The following OLAH variants were observed in gnomAD, a reference collection of about 807,000 sequenced individuals.
The protein encoded by OLAH is S-acyl fatty acid synthase thioesterase, medium chain.
A neutral mutation model predicts 27.8 loss-of-function variants in OLAH; 33 were observed. That is an observed-to-expected ratio of 1.19 (90% CI 0.90 to 1.59). OLAH has a LOEUF of 1.59. Among genes scored for constraint, OLAH ranks in the 40% most tolerant of loss-of-function variants. The pLI, the probability that OLAH is intolerant of heterozygous loss-of-function variation, is 0.00. For synonymous variants in OLAH, 120 were observed against 102.9 expected, an observed-to-expected ratio of 1.17 and a Z score of -1.01; for missense variants, 359 against 310.8, an observed-to-expected ratio of 1.16 and a Z score of -1.17.
upstream of OLAH, among the ~76,000 whole-genome samples, chr10:15,038,944 T>C (rs1398928288): frequency 6.6e-6 from 1 of 152,172 alleles, no homozygotes; most frequent in African/African-American, 2.4e-5. Flanking sequence ...CACCTCAGGC[T>C]GGGTGCAGTG....
At position 15,065,771 on chromosome 10, in the gene OLAH, G is replaced by A. The variant is rs750645682; in HGVS notation, c.572+18G>A. 3.8e-6 allele frequency: 6 copies of A among 1,577,380 alleles called. No homozygotes were observed. Among genetic ancestry groups the A allele is most frequent in the Non-Finnish European group, 4.3e-6 (5 of 1,164,242 alleles). On this transcript the variant is annotated intron_variant, in intron 6 of 7. Transcript: ENST00000378228. ...AGTTGCACGTAAGTAACAGAAACAA[G>A]GTTTTTTCTTTTTTTGGTACAATTA...
Position 15,066,874 on chromosome 10 carries a change from A to G in OLAH, c.572+1121A>G, listed in dbSNP as rs371459129. ...AGGCTGGTCTCAAACTCCTGACCTG[A>G]GGTGATCCACCCACCTCAGCCTCCC... On this transcript the variant is annotated intron_variant, in intron 6 of 7. Transcript: ENST00000378228. 3.3e-5 allele frequency among the ~76,000 whole-genome samples: 5 copies of G among 152,148 alleles called. No individual in the cohort carries two copies. In the East Asian group the frequency reaches 5.8e-4, roughly 18 times the overall value.
At chr10:15,072,203 AT>A (rs1844603108) in intron 7 of OLAH, among the ~76,000 whole-genome samples, 1 of 152,046 alleles carries the variant, frequency 6.6e-6, no homozygotes, top group Non-Finnish European at 1.5e-5. Context: ...AAGTGCTGGG[AT>A]TATAGGCATG....
intron 3 of OLAH, among the ~76,000 whole-genome samples, chr10:15,055,326 C>A (rs550192465): frequency 6.6e-6 from 1 of 152,320 alleles, no homozygotes; most frequent in Non-Finnish European, 1.5e-5. Context: ...GTTTTAAAAA[C>A]CACCTCGTTT....
intron 5 of OLAH, 125 bp downstream of exon 5, chr10:15,064,627 T>C (rs920302718): frequency 2.4e-5 from 14 of 586,980 alleles, no homozygotes; most frequent in East Asian, 9.7e-5. Flanking sequence ...GGGATACTAA[T>C]AGGTTGGTGC....
intron 2 of OLAH, 105 bp downstream of exon 2, chr10:15,047,425 G>T (rs942288626): frequency 4.4e-6 from 5 of 1,138,776 alleles, no homozygotes; most frequent in Admixed American, 2.0e-5. Context: ...TCTCAGCCAG[G>T]TGCTCACACT....
intron 7 of OLAH, 44 bp from the exon 8 acceptor site, chr10:15,073,041 AGT>A: frequency 6.3e-7 from 1 of 1,575,334 alleles, no homozygotes; most frequent in African/African-American, 1.4e-5. Flanking sequence ...GTGAATCTTT[AGT>A]TGCTGTTGGT....
chr10:15,067,759 C>T (rs1844496890), intron 6 of OLAH, among the ~76,000 whole-genome samples: 1 of 152,198 alleles, frequency 6.6e-6, no homozygotes, highest in African/African-American at 2.4e-5. Flanking sequence ...TATCTCCCTG[C>T]TTTTTCCAAT....
At chr10:15,044,893 C>CT (rs1418340466) in intron 1 of OLAH, among the ~76,000 whole-genome samples, 1 of 152,076 alleles carries the variant, frequency 6.6e-6, no homozygotes, top group Non-Finnish European at 1.5e-5. Flanking sequence ...ATAAAGATTG[C>CT]TTTTTTTGTA....
chr10:15,062,026 G>A, intron 4 of OLAH, 164 bp downstream of exon 4: 3 of 616,582 alleles, frequency 4.9e-6, no homozygotes, highest in Non-Finnish European at 7.9e-6. Context: ...CAGTTTGTAT[G>A]GTAAGTATAC....
At chr10:15,036,969 C>G (rs1156533034) in intron 1 of OLAH, among the ~76,000 whole-genome samples, 2 of 151,600 alleles carry the variant, frequency 1.3e-5, no homozygotes, top group African/African-American at 4.8e-5. Context: ...ATCCCAGATA[C>G]TCCGGAGGCT....
intron 3 of OLAH, chr10:15,056,744 C>T: frequency 7.9e-7 from 1 of 1,268,330 alleles, no homozygotes; most frequent in Non-Finnish European, 9.9e-7. Context: ...GATCCTCCCA[C>T]CTCAGCCTCC....
chr10:15,049,662 C>G lies in OLAH; in HGVS notation c.60C>G (p.Tyr20Ter). 3 of 1,601,238 alleles carry G rather than the reference C, an allele frequency of 1.9e-6. No individual in the cohort carries two copies. Among genetic ancestry groups the G allele is most frequent in the Non-Finnish European group, 2.6e-6 (3 of 1,176,198 alleles). ...ATGAAAACATTTTCAACTGCTTATACAAAAACCCTGAGGCAACTTTTAAGC... is the reference window on the plus strand; with the variant it reads ...ATGAAAACATTTTCAACTGCTTATAGAAAAACCCTGAGGCAACTTTTAAGC... ...TRNENIFNCLYKNPEATFKLI... is the reference protein window; with the variant it reads ...TRNENIFNCL Residue 20 changes from tyrosine (Y) to a stop codon, truncating the protein, a stop_gained, in exon 3 of 8, where the codon TAC (tyrosine) becomes TAG (stop). Coordinates refer to ENST00000378228, the MANE Select transcript of OLAH (RefSeq NM_001039702.3). LOFTEE classifies it high-confidence loss of function.
chr10:15,065,484 C>A, intron 5 of OLAH, 100 bp from the exon 6 acceptor site: 1 of 1,275,810 alleles, frequency 7.8e-7, no homozygotes, highest in Non-Finnish European at 1.1e-6. Flanking sequence ...TACTTCCCAG[C>A]CTTGGTTTAA....
chr10:15,071,517 G>T, intron 6 of OLAH: 1 of 984,650 alleles, frequency 1.0e-6, no homozygotes, highest in Non-Finnish European at 1.2e-6. Flanking sequence ...TAAAGGACTG[G>T]TTCCACCAGC....
chr10:15,053,383 A>G (rs1844183145), intron 3 of OLAH, among the ~76,000 whole-genome samples: 1 of 152,178 alleles, frequency 6.6e-6, no homozygotes, highest in South Asian at 2.1e-4. Context: ...AAGTGGATTC[A>G]CACATGCGCA....
At chr10:15,047,618 T>C (rs939396139) in intron 2 of OLAH, among the ~76,000 whole-genome samples, 2 of 152,088 alleles carry the variant, frequency 1.3e-5, no homozygotes, top group East Asian at 1.9e-4. Flanking sequence ...GGCAGGAGAA[T>C]TGCTGAAACC....
At chr10:15,057,686 CG>C (rs1564530977) in intron 3 of OLAH, among the ~76,000 whole-genome samples, 1 of 151,962 alleles carries the variant, frequency 6.6e-6, no homozygotes, top group African/African-American at 2.4e-5. Context: ...GTGCCTGGGC[CG>C]GGTTCTCTAT....
At chr10:15,047,349 T>C (rs1405351666) in intron 2 of OLAH, 29 bp downstream of exon 2, 1 of 1,610,916 alleles carries the variant, frequency 6.2e-7, no homozygotes, top group Non-Finnish European at 8.5e-7. Context: ...CACCAGGCTC[T>C]TCCTCCATCC....
Sources: allele counts gnomAD v4.1 joint callset (sites outside exome capture counted in the v4.1 genomes callset), GRCh38; gene constraint gnomAD v4.1.1; transcripts MANE v1.5; gene names NCBI Gene and HGNC (gene_info 2026-07-23, HGNC 2026-07-21).